The following FAM168A variants were observed in gnomAD, a reference collection of about 807,000 sequenced individuals.
FAM168A encodes family with sequence similarity 168 member A.
Under a neutral mutation model 28.5 loss-of-function variants are expected in FAM168A, and 3 were observed. That is an observed-to-expected ratio of 0.11 (90% confidence interval 0.05 to 0.27). FAM168A has a LOEUF of 0.27. Among genes scored for constraint, FAM168A ranks in the 10% least tolerant of loss-of-function variants. FAM168A has a pLI of 1.00. For missense variants in FAM168A, 222 were observed against 311.5 expected, an observed-to-expected ratio of 0.71 and a Z score of 2.16; for synonymous variants, 122 against 124.2, an observed-to-expected ratio of 0.98 and a Z score of 0.12.
chr11:73,594,922 G>A (rs188233710), intron 1 of FAM168A, among the ~76,000 whole-genome samples: 1 of 152,202 alleles, frequency 6.6e-6, no homozygotes, highest in East Asian at 1.9e-4. Context: ...TAAACTCATG[G>A]GCTATTCGTT....
At chr11:73,511,323 G>A (rs554757356) in intron 1 of FAM168A, among the ~76,000 whole-genome samples, 1 of 151,824 alleles carries the variant, frequency 6.6e-6, no homozygotes, top group Non-Finnish European at 1.5e-5. Context: ...TGCAAGCTCT[G>A]CCTCCTGGGT....
At chr11:73,441,105 C>CT (rs1867186276) in intron 2 of FAM168A, among the ~76,000 whole-genome samples, 1 of 150,298 alleles carries the variant, frequency 6.7e-6, no homozygotes, top group Non-Finnish European at 1.5e-5. Context: ...TGTCACCAGG[C>CT]TGGAGTGCAG....
At chr11:73,595,053 GA>G (rs960028732) in intron 1 of FAM168A, among the ~76,000 whole-genome samples, 5 of 149,768 alleles carry the variant, frequency 3.3e-5, no homozygotes, top group South Asian at 2.1e-4. Flanking sequence ...CACGGCTGTG[GA>G]AAAAAAAAAT....
At chr11:73,569,504 G>A (rs981218354) in intron 1 of FAM168A, among the ~76,000 whole-genome samples, 5 of 152,134 alleles carry the variant, frequency 3.3e-5, no homozygotes, top group African/African-American at 7.2e-5. Flanking sequence ...TTTTACATAC[G>A]AAAAAGACTA....
intron 2 of FAM168A, among the ~76,000 whole-genome samples, chr11:73,458,680 G>A (rs916917196): frequency 3.9e-5 from 6 of 151,968 alleles, no homozygotes; most frequent in Non-Finnish European, 5.9e-5. Flanking sequence ...GTGCGATCTC[G>A]GCTCACTGCA....
chr11:73,476,600 TAAC>T (rs1867892183), intron 1 of FAM168A, among the ~76,000 whole-genome samples: 1 of 151,862 alleles, frequency 6.6e-6, no homozygotes, highest in South Asian at 2.1e-4. Context: ...GAAAAACAGG[TAAC>T]AATAAATTTT....
intron 3 of FAM168A, among the ~76,000 whole-genome samples, chr11:73,426,593 G>A (rs1469921873): frequency 6.6e-6 from 1 of 152,102 alleles, no homozygotes; most frequent in Non-Finnish European, 1.5e-5. Context: ...GCTTCTCCAT[G>A]GTAGGAAGTC....
intron 1 of FAM168A, among the ~76,000 whole-genome samples, chr11:73,525,911 T>G (rs1454085525): frequency 6.6e-6 from 1 of 152,216 alleles, no homozygotes; most frequent in Admixed American, 6.5e-5. Flanking sequence ...AGCCCCCTCA[T>G]GAAGTTCTTG....
At chr11:73,527,771 G>C (rs1189646791) in intron 1 of FAM168A, among the ~76,000 whole-genome samples, 1 of 150,080 alleles carries the variant, frequency 6.7e-6, no homozygotes, top group Non-Finnish European at 1.5e-5. Flanking sequence ...TATGCTAAAT[G>C]ACAAAACGAA....
chr11:73,489,775 T>G (rs781753751), intron 1 of FAM168A, among the ~76,000 whole-genome samples: 1 of 152,200 alleles, frequency 6.6e-6, no homozygotes, highest in Non-Finnish European at 1.5e-5. Context: ...CTTCGCAAAG[T>G]GTTGAATTAC....
At chr11:73,559,170 C>T (rs1381715998) in intron 1 of FAM168A, among the ~76,000 whole-genome samples, 3 of 152,094 alleles carry the variant, frequency 2.0e-5, no homozygotes, top group Non-Finnish European at 2.9e-5. Context: ...CACTTTGGGA[C>T]GCCGAGGCAG....
chr11:73,403,316 A>C lies in FAM168A; in HGVS notation c.*3447T>G, dbSNP rs1451132328. On this transcript the variant is annotated 3_prime_UTR_variant, in exon 8 of 8. Coordinates refer to ENST00000356467, the MANE Select transcript of FAM168A (RefSeq NM_015159.3). ...TGCAGGCAATCCAGCTCCCAGACTC[A>C]AACTTCTTGACCCCAGGCCAGTGAG... 2 of 152,182 alleles carry C rather than the reference A, an allele frequency of 1.3e-5. No individual in the cohort carries two copies. Among genetic ancestry groups the C allele is most frequent in the African/African-American group, 4.8e-5 (2 of 41,434 alleles). The allele number at this position is 152,182 out of a possible 1,614,324, so 9.4% of individuals were successfully genotyped here.
intron 1 of FAM168A, among the ~76,000 whole-genome samples, chr11:73,535,460 C>T (rs1466128316): frequency 6.7e-6 from 1 of 150,278 alleles, no homozygotes; most frequent in Non-Finnish European, 1.5e-5. Flanking sequence ...GTTCTGTCGC[C>T]CAGGCTGGAG....
In FAM168A at chr11:73,448,029, T is replaced by C. The variant is rs577820971; in HGVS notation, c.71-17259A>G. Among the ~76,000 whole-genome samples, 4 of 152,238 alleles carry C rather than the reference T, an allele frequency of 2.6e-5. No homozygotes were observed. In the East Asian group the frequency reaches 7.7e-4, roughly 29 times the overall value. On this transcript the variant is annotated intron_variant, in intron 2 of 7. Coordinates refer to ENST00000356467, the MANE Select transcript of FAM168A (RefSeq NM_015159.3). ...TAATAAAATCCAGTATTATTACTTA[T>C]GTGTCAAGTTACTTTTTGTTTGTTT...
chr11:73,591,015 G>A (rs1052933653), intron 1 of FAM168A, among the ~76,000 whole-genome samples: 1 of 152,108 alleles, frequency 6.6e-6, no homozygotes. Context: ...ATGGTGGCAC[G>A]GGCCTGTGGT....
intron 2 of FAM168A, among the ~76,000 whole-genome samples, chr11:73,455,789 C>T (rs6592525): frequency 0.062 from 9,449 of 152,206 alleles, 861 homozygotes; most frequent in African/African-American, 0.2. Context: ...CACCTGGATG[C>T]CTAATCTATA....
chr11:73,417,498 T>C (rs1866714493), intron 4 of FAM168A, among the ~76,000 whole-genome samples: 1 of 152,096 alleles, frequency 6.6e-6, no homozygotes, highest in South Asian at 2.1e-4. Context: ...ATCTTACGTA[T>C]GTTCATTCAT....
chr11:73,457,515 G>T (rs1483123601), intron 2 of FAM168A, among the ~76,000 whole-genome samples: 1 of 151,566 alleles, frequency 6.6e-6, no homozygotes, highest in Admixed American at 6.6e-5. Flanking sequence ...AAAAAGTTCT[G>T]GAAATAGTGG....
intron 2 of FAM168A, among the ~76,000 whole-genome samples, chr11:73,455,507 A>C (rs1329208682): frequency 6.6e-6 from 1 of 152,230 alleles, no homozygotes; most frequent in Non-Finnish European, 1.5e-5. Flanking sequence ...GGCTTTTGGA[A>C]TACAGTGGCA....
Sources: allele counts gnomAD v4.1 joint callset (sites outside exome capture counted in the v4.1 genomes callset), GRCh38; gene constraint gnomAD v4.1.1; transcripts MANE v1.5; gene names NCBI Gene and HGNC (gene_info 2026-07-23, HGNC 2026-07-21).